Variants in PARP8 observed in about 807,000 individuals in gnomAD.
PARP8 encodes the protein poly(ADP-ribose) polymerase family member 8.
Under a neutral mutation model 124.1 loss-of-function variants are expected in PARP8, and 51 were observed. The observed-to-expected ratio is 0.41, with a 90% CI of 0.33 to 0.52. The LOEUF (loss-of-function observed/expected upper bound fraction) is 0.52. PARP8 is among the 20% of genes least tolerant of loss of function. PARP8 has a pLI of 0.21. For missense variants in PARP8, 860 were observed against 1,018.9 expected (o/e 0.84, Z 2.12); for synonymous variants, 391 against 361.5 (o/e 1.08, Z -0.93).
At chr5:50,678,939 A>T (rs1750963347) in intron 2 of PARP8, among the ~76,000 whole-genome samples, 1 of 152,184 alleles carries the variant, frequency 6.6e-6, no homozygotes, top group African/African-American at 2.4e-5. Context: ...GGGGAAAAAA[A>T]TGCCCTTTTG....
In PARP8 at chr5:50,795,225, T is replaced by C. The variant is rs775652523; in HGVS notation, c.1236T>C (p.Ser412=). ...ATAAACTGTTAAGCAGGTCTTACTC[T>C]AGTAATCTCAGAATGGAAGAATTAT... ...KPHKLLSRSY[S]SNLRMEELYG... is the part of the protein sequence containing the mutation. The change falls in exon 12 of 26, where the codon TCT becomes TCC. Residue 412 remains serine (S), a synonymous_variant. Transcript: ENST00000281631. 6.2e-7 allele frequency: 1 copy of C among 1,614,218 alleles called. No individual in the cohort carries two copies. Among genetic ancestry groups the C allele is most frequent in the East Asian group, 2.2e-5 (1 of 44,888 alleles).
intron 1 of PARP8, 136 bp downstream of exon 1, chr5:50,667,322 C>T (rs886902267): frequency 3.2e-6 from 3 of 934,406 alleles, no homozygotes; most frequent in Admixed American, 2.0e-5. Context: ...GCTGCTGCAA[C>T]GAGCGCGGGA....
At chr5:50,681,539 A>AT (rs1371236651) in intron 2 of PARP8, among the ~76,000 whole-genome samples, 1 of 152,142 alleles carries the variant, frequency 6.6e-6, no homozygotes, top group Non-Finnish European at 1.5e-5. Flanking sequence ...ATTCATTATT[A>AT]TTCTTCTTAC....
rs769262102 is a variant in PARP8 at position 50,778,583 on chromosome 5, A to G, written c.603A>G (p.Glu201=). The change falls in exon 9 of 26, where the codon GAA becomes GAG. Residue 201 remains glutamate (E), a synonymous_variant. Coordinates refer to ENST00000281631, the MANE Select transcript of PARP8 (RefSeq NM_024615.4). The part of the protein sequence containing the change: ...FLDEEIAVAW[E]VIRTEPIIVR... ...AGGAGGAGATTGCTGTGGCTTGGGA[A>G]GTAATTCGAACAGAACCTATAATTG... 11 of 1,609,870 alleles carry G rather than the reference A, an allele frequency of 6.8e-6. No individual in the cohort carries two copies. In the South Asian group the frequency reaches 1.1e-4, roughly 16 times the overall value.
At chr5:50,707,350 C>T (rs1464424318) in intron 2 of PARP8, among the ~76,000 whole-genome samples, 1 of 151,922 alleles carries the variant, frequency 6.6e-6, no homozygotes, top group Non-Finnish European at 1.5e-5. Context: ...AATGATTTTC[C>T]TAAAGTGCTT....
chr5:50,757,400 A>T (rs1019962488), intron 3 of PARP8, among the ~76,000 whole-genome samples: 5 of 152,138 alleles, frequency 3.3e-5, no homozygotes, highest in Non-Finnish European at 7.4e-5. Flanking sequence ...TCTAGGTTTG[A>T]TGTGCTTTCT....
chr5:50,785,224 T>G (rs1319245673), intron 9 of PARP8, among the ~76,000 whole-genome samples: 2 of 152,136 alleles, frequency 1.3e-5, no homozygotes, highest in African/African-American at 4.8e-5. Flanking sequence ...TCTAGAAAAT[T>G]TATTTTGATA....
chr5:50,705,002 T>C (rs1436013090), intron 2 of PARP8, among the ~76,000 whole-genome samples: 1 of 152,216 alleles, frequency 6.6e-6, no homozygotes, highest in Non-Finnish European at 1.5e-5. Flanking sequence ...TAATATTGCA[T>C]GTGGGACAAA....
intron 7 of PARP8, among the ~76,000 whole-genome samples, chr5:50,765,442 AT>A (rs1760967966): frequency 6.6e-6 from 1 of 152,110 alleles, no homozygotes; most frequent in African/African-American, 2.4e-5. Flanking sequence ...AGTACCTATG[AT>A]GGTCTGTATC....
At chr5:50,783,284 A>G (rs1464010613) in intron 9 of PARP8, among the ~76,000 whole-genome samples, 2 of 152,140 alleles carry the variant, frequency 1.3e-5, no homozygotes, top group South Asian at 2.1e-4. Flanking sequence ...CTCAAGTCCA[A>G]CCAGCGCTTC....
At chr5:50,825,282 G>A (rs1746220014) in intron 18 of PARP8, among the ~76,000 whole-genome samples, 3 of 152,176 alleles carry the variant, frequency 2.0e-5, no homozygotes, top group Admixed American at 2.0e-4. Flanking sequence ...TGTGGCAAAA[G>A]CATTTTGGTT....
rs1748558352 is a variant in PARP8 at position 50,845,656 on chromosome 5, A to G, written c.*3588A>G. On this transcript the variant is annotated 3_prime_UTR_variant, in exon 26 of 26. Coordinates refer to ENST00000281631, the MANE Select transcript of PARP8 (RefSeq NM_024615.4). ...AACATGGATATTTCAGTCACTGGTAACAATGTCAGGGTTAACACCCAATGA... is the reference window on the plus strand; with the variant it reads ...AACATGGATATTTCAGTCACTGGTAGCAATGTCAGGGTTAACACCCAATGA... 6.6e-6 allele frequency: 1 copy of G among 151,778 alleles called. No homozygotes were observed. Among genetic ancestry groups the G allele is most frequent in the African/African-American group, 2.4e-5 (1 of 41,402 alleles). The allele number at this position is 151,778 out of a possible 1,614,324, so 9.4% of individuals were successfully genotyped here. A position where few individuals can be genotyped will look rare whatever the true frequency, so the allele number is the denominator to read the frequency against.
At chr5:50,795,518 G>T in intron 12 of PARP8, 101 bp downstream of exon 12, 5 of 949,508 alleles carry the variant, frequency 5.3e-6, no homozygotes, top group East Asian at 2.8e-5. Context: ...GCAAAACTTT[G>T]TTTTAATTTA....
At chr5:50,791,239 A>G (rs1406032870) in intron 10 of PARP8, among the ~76,000 whole-genome samples, 3 of 152,234 alleles carry the variant, frequency 2.0e-5, no homozygotes, top group Non-Finnish European at 4.4e-5. Flanking sequence ...TGCAGTACGT[A>G]TTATATGTCA....
At chr5:50,798,624 G>T (rs955997676) in intron 14 of PARP8, among the ~76,000 whole-genome samples, 1 of 151,902 alleles carries the variant, frequency 6.6e-6, no homozygotes, top group Non-Finnish European at 1.5e-5. Flanking sequence ...GGGTTTCACT[G>T]TGTTGGCCAG....
chr5:50,815,440 A>G lies in PARP8; in HGVS notation c.1584A>G (p.Val528=). The G allele has an allele frequency of 2.5e-6, 4 of 1,583,764 alleles. No homozygotes were observed. Among genetic ancestry groups the G allele is most frequent in the Non-Finnish European group, 3.4e-6 (4 of 1,167,984 alleles). The part of the protein sequence containing the change: ...FQNGPMLRPT[V]CERELCVFAF... ...TCCTTTTTCTTTTGTAGCCTACCGT[A>G]TGTGAACGGGAGCTGTGTGTGTTTG... Residue 528 remains valine, a synonymous_variant, in exon 15 of 26, where the codon GTA becomes GTG. Coordinates refer to ENST00000281631, the MANE Select transcript of PARP8 (RefSeq NM_024615.4).
chr5:50,681,856 A>T (rs546231510), intron 2 of PARP8, among the ~76,000 whole-genome samples: 1 of 152,222 alleles, frequency 6.6e-6, no homozygotes, highest in South Asian at 2.1e-4. Context: ...ACCCTGTTCT[A>T]CTTTTTCAGC....
At chr5:50,821,128 T>C in intron 15 of PARP8, 85 bp from the exon 16 acceptor site, 1 of 1,502,018 alleles carries the variant, frequency 6.7e-7, no homozygotes, top group Non-Finnish European at 9.2e-7. Flanking sequence ...CCTCATTAAC[T>C]TATGCTACCT....
chr5:50,814,104 C>A (rs1376439000), intron 14 of PARP8, among the ~76,000 whole-genome samples: 1 of 152,060 alleles, frequency 6.6e-6, no homozygotes, highest in African/African-American at 2.4e-5. Flanking sequence ...TCCTTGGATT[C>A]TTGTTTATGT....
Sources: gnomAD v4.1 joint callset for allele counts (sites outside exome capture counted in the v4.1 genomes callset) on GRCh38, gnomAD v4.1.1 for gene constraint, MANE v1.5 for transcripts, NCBI Gene and HGNC (gene_info 2026-07-23, HGNC 2026-07-21) for gene names.